The following P2RY12 variants were observed in gnomAD, a reference collection of about 807,000 sequenced individuals.
P2RY12 encodes the protein purinergic receptor P2Y12, also known as P2Y purinoceptor 12.
P2RY12 carries 3 observed loss-of-function variants against 4.5 expected under a neutral mutation model. The observed-to-expected ratio is 0.67, with a 90% confidence interval of 0.31 to 1.74. P2RY12 has a LOEUF of 1.74. Ranked by LOEUF, P2RY12 falls within the 40% of genes most tolerant of loss-of-function variation. The pLI is 0.09. For missense variants in P2RY12, 356 were observed against 407.8 expected, an observed-to-expected ratio of 0.87 and a Z score of 1.09; for synonymous variants, 148 against 154.1, an observed-to-expected ratio of 0.96 and a Z score of 0.29.
At chr3:151,381,214 C>T (rs1712275933) in intron 1 of P2RY12, among the ~76,000 whole-genome samples, 1 of 152,126 alleles carries the variant, frequency 6.6e-6, no homozygotes, top group South Asian at 2.1e-4. Flanking sequence ...TCTATGACAC[C>T]ATGTCTTTCC....
Position 151,338,481 on chromosome 3 carries a change from C to G in P2RY12, c.365G>C (p.Arg122Pro), listed in dbSNP as rs778790805. 1 of 1,613,564 alleles carries G rather than the reference C, an allele frequency of 6.2e-7. No individual in the cohort carries two copies. Among genetic ancestry groups the G allele is most frequent in the Admixed American group, 1.7e-5 (1 of 59,920 alleles). The change falls in exon 3 of 3, where the codon CGC (arginine) becomes CCC (proline). Residue 122 changes from arginine to proline, a missense_variant. Physicochemically the swap from Arg to Pro is moderately radical, Grantham distance 103 (BLOSUM62 -2). Coordinates refer to ENST00000302632, the MANE Select transcript of P2RY12 (RefSeq NM_022788.5). ...ISFLGLITID[R>P]YQKTTRPFKT... ...AAATGGCCTGGTGGTCTTCTGGTAG[C>G]GATCGATAGTTATCAGTCCCAGGAA...
intron 1 of P2RY12, among the ~76,000 whole-genome samples, chr3:151,348,837 A>T (rs139212893): frequency 1.3e-5 from 2 of 152,338 alleles, no homozygotes; most frequent in African/African-American, 4.8e-5. Flanking sequence ...TACTTTGTGC[A>T]GAGTACACAT....
At chr3:151,354,911 G>A (rs1422894551) in intron 1 of P2RY12, among the ~76,000 whole-genome samples, 1 of 152,128 alleles carries the variant, frequency 6.6e-6, no homozygotes, top group African/African-American at 2.4e-5. Context: ...CTCCTAGGGA[G>A]GGAGACATGC....
intron 2 of P2RY12, among the ~76,000 whole-genome samples, chr3:151,340,099 A>G (rs1294224657): frequency 6.6e-6 from 1 of 152,138 alleles, no homozygotes; most frequent in Non-Finnish European, 1.5e-5. Flanking sequence ...TTCAATTTTC[A>G]GCATCTCCTC....
intron 2 of P2RY12, among the ~76,000 whole-genome samples, chr3:151,339,709 A>G (rs796735222): frequency 3.3e-5 from 5 of 152,268 alleles, no homozygotes; most frequent in African/African-American, 1.2e-4. Flanking sequence ...TCCTCAAAAC[A>G]GGGCATACTT....
chr3:151,353,697 T>C (rs1012902827), intron 1 of P2RY12, among the ~76,000 whole-genome samples: 2 of 152,236 alleles, frequency 1.3e-5, no homozygotes, highest in African/African-American at 4.8e-5. Context: ...ATTAGCAAAA[T>C]ATTTTTGAGT....
intron 1 of P2RY12, chr3:151,382,598 T>G: frequency 7.8e-7 from 1 of 1,284,638 alleles, no homozygotes. Flanking sequence ...AAAGCTCAAT[T>G]TATCTTTAAA....
chr3:151,376,433 G>C (rs1173030650), intron 1 of P2RY12, among the ~76,000 whole-genome samples: 2 of 152,110 alleles, frequency 1.3e-5, no homozygotes, highest in African/African-American at 4.8e-5. Flanking sequence ...TTTTAAATCA[G>C]TATTGTATTT....
chr3:151,348,319 T>TA, intron 1 of P2RY12, among the ~76,000 whole-genome samples: 1 of 130,732 alleles, frequency 7.6e-6, no homozygotes, highest in Non-Finnish European at 1.6e-5. Flanking sequence ...CTAGGGTTCA[T>TA]ATGTACACAA....
intron 1 of P2RY12, among the ~76,000 whole-genome samples, chr3:151,381,944 C>G (rs1393336288): frequency 6.6e-6 from 1 of 152,162 alleles, no homozygotes; most frequent in Non-Finnish European, 1.5e-5. Flanking sequence ...GACCATATTT[C>G]AGAGCATGAT....
chr3:151,355,971 A>G (rs1753869933), intron 1 of P2RY12: 2 of 1,614,140 alleles, frequency 1.2e-6, no homozygotes, highest in South Asian at 1.1e-5. Flanking sequence ...GGCTCACCAC[A>G]TTCAGCTCAT....
intron 1 of P2RY12, among the ~76,000 whole-genome samples, chr3:151,357,918 C>T (rs1345263555): frequency 6.6e-6 from 1 of 152,146 alleles, no homozygotes. Flanking sequence ...GCTAATACCA[C>T]CCCCATTAAA....
At chr3:151,339,308 G>A (rs575819034) in intron 2 of P2RY12, among the ~76,000 whole-genome samples, 42 of 151,424 alleles carry the variant, frequency 2.8e-4, no homozygotes, top group Middle Eastern at 3.4e-3. Context: ...CTGTAGTACC[G>A]TCAAAACAGT....
intron 1 of P2RY12, chr3:151,382,550 T>C: frequency 1.7e-6 from 1 of 605,992 alleles, no homozygotes; most frequent in Non-Finnish European, 2.7e-6. Flanking sequence ...TGTTTGTTAA[T>C]TTGTTAAAGA....
At chr3:151,339,654 TAA>T (rs1751546369) in intron 2 of P2RY12, among the ~76,000 whole-genome samples, 1 of 151,510 alleles carries the variant, frequency 6.6e-6, no homozygotes, top group Admixed American at 6.6e-5. Context: ...AAAAAAAAAA[TAA>T]GAGTCAGAAA....
At chr3:151,367,274 T>A (rs1755401613) in intron 1 of P2RY12, among the ~76,000 whole-genome samples, 1 of 152,238 alleles carries the variant, frequency 6.6e-6, no homozygotes, top group Non-Finnish European at 1.5e-5. Flanking sequence ...TCCTGGTTTT[T>A]CCCTGCCTTC....
chr3:151,375,127 T>C (rs1429777600), intron 1 of P2RY12, among the ~76,000 whole-genome samples: 3 of 152,190 alleles, frequency 2.0e-5, no homozygotes, highest in Non-Finnish European at 2.9e-5. Flanking sequence ...AGCTGGGGCA[T>C]TTAAAACAAT....
rs768198990 is a variant in P2RY12 at position 151,338,212 on chromosome 3, T to A, written c.634A>T (p.Ile212Phe). Residue 212 changes from isoleucine to phenylalanine, a missense_variant, in exon 3 of 3, where the codon ATT (isoleucine) becomes TTT (phenylalanine). Coordinates refer to ENST00000302632, the MANE Select transcript of P2RY12 (RefSeq NM_022788.5). ...TATGACCGGTACAGTTCTTTTGTAA[T>A]GAGTGTATAACATACAATAACAATT... Reference protein sequence around the residue: ...FLIVIVCYTLITKELYRSYVR... With the variant: ...FLIVIVCYTLFTKELYRSYVR... 2.5e-6 allele frequency: 4 copies of A among 1,614,136 alleles called. No individual in the cohort carries two copies. In the Admixed American group the frequency reaches 6.7e-5, roughly 27 times the overall value.
chr3:151,349,366 A>G (rs1423882310), intron 1 of P2RY12, among the ~76,000 whole-genome samples: 1 of 152,194 alleles, frequency 6.6e-6, no homozygotes, highest in African/African-American at 2.4e-5. Flanking sequence ...TTTGCCTCAC[A>G]CCTAATGACA....
Sources: allele counts gnomAD v4.1 joint callset (sites outside exome capture counted in the v4.1 genomes callset), GRCh38; gene constraint gnomAD v4.1.1; transcripts MANE v1.5; gene names NCBI Gene and HGNC (gene_info 2026-07-23, HGNC 2026-07-21).